EML1: variants seen among roughly 807,000 people sequenced by gnomAD.
EML1 encodes the protein EMAP like 1.
Under a neutral mutation model 110.4 loss-of-function variants are expected in EML1, and 27 were observed. The ratio of observed to expected loss-of-function variants is 0.24; its 90% confidence interval spans 0.18 to 0.34. The LOEUF is 0.34. EML1 is among the 10% of genes least tolerant of loss of function. The probability of loss-of-function intolerance (pLI) is 1.00; values close to 1 mark genes in which losing one functional copy is unlikely to be tolerated. For missense variants in EML1, 741 were observed against 1,030.9 expected (o/e 0.72, Z 3.85); for synonymous variants, 344 against 385.8 (o/e 0.89, Z 1.27).
intron 2 of EML1, among the ~76,000 whole-genome samples, chr14:99,851,549 C>T (rs916239740): frequency 1.3e-5 from 2 of 152,046 alleles, no homozygotes; most frequent in Admixed American, 6.6e-5. Flanking sequence ...CCTCGTGATC[C>T]GCCCGCCTCG....
intron 9 of EML1, among the ~76,000 whole-genome samples, chr14:99,902,832 C>G (rs2140024735): frequency 6.6e-6 from 1 of 152,262 alleles, no homozygotes; most frequent in East Asian, 1.9e-4. Context: ...TCTTTACTTA[C>G]CACAGATCAG....
chr14:99,940,000 T>C lies in EML1; in HGVS notation c.2336T>C (p.Ile779Thr), dbSNP rs151004612. 5 of 1,590,820 alleles carry C rather than the reference T, an allele frequency of 3.1e-6. No homozygotes were observed. In the African/African-American group the frequency reaches 5.4e-5, roughly 17 times the overall value. The change falls in exon 22 of 22, where the codon ATC becomes ACC. Residue 779 changes from isoleucine to threonine, a missense_variant. Physicochemically the swap from Ile to Thr is moderately conservative, Grantham distance 89. This residue lies in a region of EML1 where 114 missense variants were observed against 122.5 expected (regional missense o/e 0.93). Transcript: ENST00000262233. The surrounding 1 kb of genome is among the most constrained non-coding windows in gnomAD (Gnocchi z 4.2). Reference sequence around the variant, plus strand: ...CATTCCCTCCAGGCTCCAAGCCACATCTACGGCGGGCACAGCAGCCATGTC... The same window carrying C: ...CATTCCCTCCAGGCTCCAAGCCACACCTACGGCGGGCACAGCAGCCATGTC... ...PCSQFRAPSH[I>T]YGGHSSHVTN... is the part of the protein sequence containing the mutation.
At chr14:99,777,566 C>T (rs2057496731) in intron 1 of EML1, among the ~76,000 whole-genome samples, 1 of 152,110 alleles carries the variant, frequency 6.6e-6, no homozygotes, top group Admixed American at 6.5e-5. Flanking sequence ...ATTACAGCCA[C>T]CTGCCACCAA....
intron 1 of EML1, among the ~76,000 whole-genome samples, chr14:99,777,353 A>C (rs11844991): frequency 0.047 from 7,149 of 152,192 alleles, 201 homozygotes; most frequent in Middle Eastern, 0.054. Context: ...TCCCGGAAGC[A>C]GTTACCACTT....
intron 1 of EML1, among the ~76,000 whole-genome samples, chr14:99,750,669 A>G (rs545205961): frequency 7.9e-5 from 12 of 152,316 alleles, no homozygotes; most frequent in Middle Eastern, 3.4e-3. Context: ...CCTGAAAAGC[A>G]GAGCTTCTAT....
In EML1 at chr14:99,873,384, C is replaced by T. The variant is rs139832347; in HGVS notation, c.384-5101C>T. Among the ~76,000 whole-genome samples, 36 of 152,244 alleles carry T rather than the reference C, an allele frequency of 2.4e-4. No homozygotes were observed. In the East Asian group the frequency reaches 6.4e-3, roughly 27 times the overall value. ...ACAGCATTTGTAATTGCACTGAAGC[C>T]AGTGCTGGGTACATAGCGTGATTTG... On this transcript the variant is annotated intron_variant, in intron 3 of 21. Coordinates refer to ENST00000262233, the MANE Select transcript of EML1 (RefSeq NM_004434.3).
chr14:99,814,055 G>A (rs2058125964), intron 1 of EML1, among the ~76,000 whole-genome samples: 1 of 152,112 alleles, frequency 6.6e-6, no homozygotes, highest in Non-Finnish European at 1.5e-5. Flanking sequence ...ATTTGTCACT[G>A]TATCCTTCCA....
intron 9 of EML1, among the ~76,000 whole-genome samples, chr14:99,901,449 G>A (rs562322749): frequency 1.3e-5 from 2 of 152,320 alleles, no homozygotes; most frequent in African/African-American, 4.8e-5. Context: ...TCTCTTGTAA[G>A]AATTCAAGGC....
chr14:99,889,223 C>T (rs754934973), intron 4 of EML1, among the ~76,000 whole-genome samples: 3 of 151,542 alleles, frequency 2.0e-5, no homozygotes, highest in Non-Finnish European at 4.4e-5. Context: ...CACACCAAGC[C>T]CCACACCAGG....
At chr14:99,774,016 G>A (rs2057455364) in intron 1 of EML1, 1 of 152,432 alleles carries the variant, frequency 6.6e-6, no homozygotes, top group Non-Finnish European at 1.5e-5. Context: ...ACGGCTGGGT[G>A]AGCATCTTCC....
At chr14:99,792,213 C>A (rs2057683357), upstream of EML1, among the ~76,000 whole-genome samples, 1 of 152,218 alleles carries the variant, frequency 6.6e-6, no homozygotes, top group Non-Finnish European at 1.5e-5. Context: ...CAAGCGAGAC[C>A]TACGAGTTTT....
chr14:99,860,114 G>T (rs981132880), intron 2 of EML1, among the ~76,000 whole-genome samples: 3 of 152,060 alleles, frequency 2.0e-5, no homozygotes, highest in African/African-American at 7.2e-5. Flanking sequence ...CTTCACCTGG[G>T]CACCTCTTAC....
intron 1 of EML1, among the ~76,000 whole-genome samples, chr14:99,826,454 A>T (rs2058360261): frequency 6.6e-6 from 1 of 152,104 alleles, no homozygotes; most frequent in South Asian, 2.1e-4. Flanking sequence ...GGACTAAATT[A>T]TGTGGATGCA....
At chr14:99,860,312 A>G (rs761478583) in intron 2 of EML1, among the ~76,000 whole-genome samples, 1 of 152,058 alleles carries the variant, frequency 6.6e-6, no homozygotes, top group African/African-American at 2.4e-5. Context: ...AGAATCTCTC[A>G]TATCTTAGTG....
At chr14:99,771,306 G>A (rs1050005710), upstream of EML1, among the ~76,000 whole-genome samples, 5 of 152,114 alleles carry the variant, frequency 3.3e-5, no homozygotes, top group African/African-American at 1.2e-4. Flanking sequence ...TGCCTATTCT[G>A]GACGTTTACT....
At position 99,827,457 on chromosome 14, in the gene EML1, G is replaced by A. The variant is rs17099094; in HGVS notation, c.68-23396G>A. ...GCGTATCCAGGCCCAGTAGGCACGA[G>A]TACTATAAATACCCTCTGTTATGGG... On this transcript the variant is annotated intron_variant, in intron 1 of 21. Transcript: ENST00000262233. This position sits in a 1 kb window ranked among gnomAD's most constrained non-coding sequence, Gnocchi z 4.4. 2.1e-3 allele frequency among the ~76,000 whole-genome samples: 318 copies of A among 152,280 alleles called. 2 individuals carry two copies. Among genetic ancestry groups the A allele is most frequent in the African/African-American group, 7.1e-3 (297 of 41,544 alleles).
At chr14:99,851,771 A>T (rs748505526) in intron 2 of EML1, among the ~76,000 whole-genome samples, 1 of 152,064 alleles carries the variant, frequency 6.6e-6, no homozygotes, top group African/African-American at 2.4e-5. Flanking sequence ...GCATAGCAAC[A>T]CTCGATCATA....
At chr14:99,876,681 C>G (rs551637284) in intron 3 of EML1, among the ~76,000 whole-genome samples, 1 of 152,144 alleles carries the variant, frequency 6.6e-6, no homozygotes, top group South Asian at 2.1e-4. Flanking sequence ...ACCCACACCT[C>G]CAGCTCCAAG....
intron 4 of EML1, among the ~76,000 whole-genome samples, chr14:99,886,546 T>G (rs1366540116): frequency 1.3e-5 from 2 of 152,102 alleles, no homozygotes; most frequent in Non-Finnish European, 2.9e-5. Flanking sequence ...TGTAGGGAAA[T>G]CACATGTTTA....
Sources: gnomAD v4.1 joint callset for allele counts (sites outside exome capture counted in the v4.1 genomes callset) on GRCh38, gnomAD v4.1.1 for gene constraint, gnomAD v4.1.1 regional missense constraint, Gnocchi (gnomAD v3.1) non-coding constraint, MANE v1.5 for transcripts, NCBI Gene and HGNC (gene_info 2026-07-23, HGNC 2026-07-21) for gene names.